The following CCDC7 variants were observed in gnomAD, a reference collection of about 807,000 sequenced individuals.
CCDC7 encodes the protein coiled-coil domain-containing protein 7.
CCDC7 carries 183 observed loss-of-function variants against 196.9 expected under a neutral mutation model. The observed-to-expected ratio is 0.93, with a 90% CI of 0.82 to 1.05. The LOEUF (loss-of-function observed/expected upper bound fraction) is 1.05. CCDC7 is among the 50% of genes least tolerant of loss of function. CCDC7 has a pLI of 0.00. For synonymous variants in CCDC7, 525 were observed against 484.6 expected (o/e 1.08, Z -1.10); for missense variants, 1,540 against 1,482.2 (o/e 1.04, Z -0.64).
intron 24 of CCDC7, among the ~76,000 whole-genome samples, chr10:32,698,854 C>T (rs749942389): frequency 9.2e-5 from 14 of 152,148 alleles, no homozygotes; most frequent in East Asian, 3.9e-4. Context: ...ACACAGAGAA[C>T]GCCACAAAGT....
intron 13 of CCDC7, among the ~76,000 whole-genome samples, chr10:32,549,502 G>C (rs906108443): frequency 1.3e-5 from 2 of 152,142 alleles, no homozygotes; most frequent in Non-Finnish European, 2.9e-5. Context: ...CCAATGTCTA[G>C]AAGGGGTTTT....
At chr10:32,631,948 A>G (rs975552271) in intron 18 of CCDC7, among the ~76,000 whole-genome samples, 6 of 152,186 alleles carry the variant, frequency 3.9e-5, no homozygotes, top group Admixed American at 3.9e-4. Context: ...TAGAAATACA[A>G]TTGAGTTTAG....
chr10:32,742,177 A>T (rs2085966810), intron 28 of CCDC7, among the ~76,000 whole-genome samples: 1 of 152,086 alleles, frequency 6.6e-6, no homozygotes, highest in Non-Finnish European at 1.5e-5. Flanking sequence ...ATTTTTATAA[A>T]ATTTATTTTT....
intron 13 of CCDC7, among the ~76,000 whole-genome samples, chr10:32,561,655 G>A (rs1589906468): frequency 6.6e-6 from 1 of 152,212 alleles, no homozygotes; most frequent in African/African-American, 2.4e-5. Context: ...AACGCAGTGT[G>A]TAGAGGGAAA....
chr10:32,468,009 C>T (rs965886111), intron 5 of CCDC7, among the ~76,000 whole-genome samples: 3 of 152,092 alleles, frequency 2.0e-5, no homozygotes, highest in East Asian at 1.9e-4. Flanking sequence ...AGTTTGAAGT[C>T]GGGTAGTGTG....
intron 8 of CCDC7, among the ~76,000 whole-genome samples, chr10:32,489,681 A>C (rs1210709008): frequency 3.3e-5 from 5 of 152,120 alleles, no homozygotes; most frequent in Non-Finnish European, 7.4e-5. Flanking sequence ...GAAGCATAGG[A>C]TTCCTAGAGG....
chr10:32,471,208 A>G, exon 6 of CCDC7: 1 of 1,609,140 alleles, frequency 6.2e-7, no homozygotes. Flanking sequence ...ATCCTCCGTG[A>G]AAGTCATGTT....
chr10:32,620,424 A>G (rs952249296), intron 18 of CCDC7, among the ~76,000 whole-genome samples: 3 of 151,694 alleles, frequency 2.0e-5, no homozygotes, highest in African/African-American at 7.3e-5. Context: ...TAGAGTTCTC[A>G]TATTACATAA....
intron 18 of CCDC7, among the ~76,000 whole-genome samples, chr10:32,601,805 G>T (rs1283621667): frequency 6.6e-6 from 1 of 152,124 alleles, no homozygotes; most frequent in Non-Finnish European, 1.5e-5. Flanking sequence ...TCAGCACTCT[G>T]TAAAAACACA....
rs181166121 is a variant in CCDC7, at chr10:32,474,902, G to A, written c.796+879G>A. Reference sequence around the variant, plus strand: ...ATATTTGCTTGGAACAGGTTGCTGGGAATTCTGCCCTCTTTCAACTTCAGC... The same window carrying A: ...ATATTTGCTTGGAACAGGTTGCTGGAAATTCTGCCCTCTTTCAACTTCAGC... On this transcript the variant is annotated intron_variant, in intron 8 of 41. Transcript: ENST00000639629. Among the ~76,000 whole-genome samples the A allele has an allele frequency of 5.3e-5, 8 of 152,162 alleles. No homozygotes were observed. The South Asian group carries it at 1.2e-3, about 24-fold the overall frequency.
intron 16 of CCDC7, chr10:32,574,325 ATATATTACATAT>A: frequency 1.8e-6 from 1 of 544,406 alleles, no homozygotes; most frequent in Non-Finnish European, 2.5e-6. Flanking sequence ...TAATAATATA[ATATATTACATAT>A]TATATTATGT....
chr10:32,563,661 A>G (rs903029657), intron 13 of CCDC7, among the ~76,000 whole-genome samples: 1 of 152,220 alleles, frequency 6.6e-6, no homozygotes, highest in African/African-American at 2.4e-5. Flanking sequence ...AAGATGGATT[A>G]AAGACTTAAA....
In CCDC7 at chr10:32,523,516, A is replaced by C. The variant is rs957704671; in HGVS notation, c.993+5011A>C. Among the ~76,000 whole-genome samples, 37 of 150,958 alleles carry C rather than the reference A, an allele frequency of 2.5e-4. No homozygotes were observed. The South Asian group carries it at 6.9e-3, about 28-fold the overall frequency. On this transcript the variant is annotated intron_variant, in intron 11 of 41. Transcript: ENST00000639629. Reference sequence around the variant, plus strand: ...GTGAGCCGAGATTGCACTACTGCACACCAGCCTGGGTGACAGAGCAAGACG... The same window carrying C: ...GTGAGCCGAGATTGCACTACTGCACCCCAGCCTGGGTGACAGAGCAAGACG...
intron 20 of CCDC7, among the ~76,000 whole-genome samples, chr10:32,652,065 A>G (rs1161467111): frequency 6.6e-6 from 1 of 152,046 alleles, no homozygotes; most frequent in East Asian, 1.9e-4. Flanking sequence ...TTAGTCTGTT[A>G]ATATTTGCTT....
At chr10:32,518,905 C>T (rs1226567146) in intron 11 of CCDC7, among the ~76,000 whole-genome samples, 1 of 152,040 alleles carries the variant, frequency 6.6e-6, no homozygotes, top group East Asian at 1.9e-4. Context: ...AAATTTGTTT[C>T]CTCTTGTATT....
rs529899882 is a variant in CCDC7 at position 32,846,068 on chromosome 10, C to T, written c.3604+109C>T. On this transcript the variant is annotated intron_variant, in intron 36 of 41. Transcript: ENST00000639629. ...ACAGTACCTGTATCATAGTACTTTC[C>T]ATAGCAAAAGATGCTATTGGAAGAC... 2.1e-4 allele frequency: 171 copies of T among 822,468 alleles called. 1 individual carries two copies. In the African/African-American group the frequency reaches 2.4e-3, roughly 12 times the overall value. The allele number at this position is 822,468 out of a possible 1,614,324, so 50.9% of individuals were successfully genotyped here.
chr10:32,696,049 C>T (rs2077675489), intron 24 of CCDC7, among the ~76,000 whole-genome samples: 1 of 151,552 alleles, frequency 6.6e-6, no homozygotes, highest in African/African-American at 2.4e-5. Context: ...GAGACAAAGA[C>T]ACTAGCTTCT....
intron 41 of CCDC7, among the ~76,000 whole-genome samples, chr10:32,873,106 TC>T (rs1298616256): frequency 6.6e-6 from 1 of 152,150 alleles, no homozygotes; most frequent in East Asian, 1.9e-4. Flanking sequence ...TTAGGGAAGT[TC>T]TCCTGGATAA....
At chr10:32,816,296 C>G (rs2088518059) in intron 31 of CCDC7, among the ~76,000 whole-genome samples, 1 of 152,134 alleles carries the variant, frequency 6.6e-6, no homozygotes, top group Non-Finnish European at 1.5e-5. Flanking sequence ...TGGAGGGGTG[C>G]CTGCGATTGC....
Sources: allele counts gnomAD v4.1 joint callset (sites outside exome capture counted in the v4.1 genomes callset), GRCh38; gene constraint gnomAD v4.1.1; transcripts MANE v1.5; gene names NCBI Gene and HGNC (gene_info 2026-07-23, HGNC 2026-07-21).